The following RNLS variants were observed in gnomAD, a reference collection of about 807,000 sequenced individuals.
RNLS encodes the protein renalase, FAD dependent amine oxidase.
Under a neutral mutation model 39.8 loss-of-function variants are expected in RNLS, and 39 were observed. The observed-to-expected ratio is 0.98, with a 90% CI of 0.76 to 1.28. The LOEUF is 1.28. Among genes scored for constraint, RNLS ranks in the 50% most tolerant of loss-of-function variants. The pLI is 0.00. For missense variants in RNLS, 410 were observed against 413.3 expected (o/e 0.99, Z 0.07); for synonymous variants, 147 against 150.7 (o/e 0.98, Z 0.18).
At chr10:88,470,230 A>G (rs1843440346) in intron 4 of RNLS, among the ~76,000 whole-genome samples, 1 of 151,958 alleles carries the variant, frequency 6.6e-6, no homozygotes, top group South Asian at 2.1e-4. Context: ...AGAGGTAAAT[A>G]GTGTGTCAAG....
At chr10:88,393,597 C>T (rs1469018471) in intron 4 of RNLS, among the ~76,000 whole-genome samples, 5 of 152,134 alleles carry the variant, frequency 3.3e-5, no homozygotes, top group Admixed American at 1.3e-4. Context: ...GAATCAATAT[C>T]GTGAAAATGG....
intron 6 of RNLS, among the ~76,000 whole-genome samples, chr10:88,288,966 T>A (rs1009539847): frequency 6.6e-5 from 10 of 152,122 alleles, no homozygotes; most frequent in Non-Finnish European, 1.2e-4. Context: ...TCAGCCACAG[T>A]GAGGAACCAC....
At chr10:88,247,836 G>T in the RNLS span, among the ~76,000 whole-genome samples, 1 of 152,210 alleles carries the variant, frequency 6.6e-6, no homozygotes, top group Non-Finnish European at 1.5e-5. Context: ...GTCAGTTTCA[G>T]AGTGATGAGA....
intron 4 of RNLS, among the ~76,000 whole-genome samples, chr10:88,410,431 T>G (rs1853583498): frequency 6.6e-6 from 1 of 152,128 alleles, no homozygotes; most frequent in Non-Finnish European, 1.5e-5. Context: ...ATTTATAAAT[T>G]ATCAGTATAC....
intron 4 of RNLS, among the ~76,000 whole-genome samples, chr10:88,475,248 T>G (rs1209471270): frequency 6.6e-6 from 1 of 152,154 alleles, no homozygotes; most frequent in Non-Finnish European, 1.5e-5. Flanking sequence ...TATTAGTGCC[T>G]CACACTAAAA....
At chr10:88,308,855 A>G (rs899828402) in intron 6 of RNLS, among the ~76,000 whole-genome samples, 1 of 152,234 alleles carries the variant, frequency 6.6e-6, no homozygotes, top group Non-Finnish European at 1.5e-5. Flanking sequence ...AATAGCAAAT[A>G]CATAGAATGA....
At chr10:88,513,260 C>T (rs1478275513) in intron 4 of RNLS, among the ~76,000 whole-genome samples, 1 of 152,066 alleles carries the variant, frequency 6.6e-6, no homozygotes, top group Admixed American at 6.6e-5. Context: ...ATCTTGCAGA[C>T]CCTTCCCTAT....
the RNLS span, among the ~76,000 whole-genome samples, chr10:88,230,988 C>T: frequency 6.6e-6 from 1 of 152,216 alleles, no homozygotes; most frequent in East Asian, 1.9e-4. Context: ...ACATCTCCTT[C>T]CTGAATCCTT....
intron 4 of RNLS, among the ~76,000 whole-genome samples, chr10:88,374,086 CA>C (rs1195490744): frequency 2.0e-5 from 3 of 151,418 alleles, no homozygotes; most frequent in South Asian, 4.2e-4. Context: ...AAAATAGGGG[CA>C]AAAAATAATA....
At chr10:88,530,165 GAT>G (rs1461506399) in intron 4 of RNLS, among the ~76,000 whole-genome samples, 1 of 152,110 alleles carries the variant, frequency 6.6e-6, no homozygotes, top group Non-Finnish European at 1.5e-5. Flanking sequence ...TCTCCAAATT[GAT>G]ATCCTCATTT....
chr10:88,377,322 A>G (rs979268635), intron 4 of RNLS, among the ~76,000 whole-genome samples: 1 of 152,134 alleles, frequency 6.6e-6, no homozygotes, highest in African/African-American at 2.4e-5. Flanking sequence ...CTCCCAGTAG[A>G]AGACAACTGT....
chr10:88,434,485 G>A (rs747930839), intron 4 of RNLS, among the ~76,000 whole-genome samples: 34 of 152,076 alleles, frequency 2.2e-4, no homozygotes, highest in Non-Finnish European at 4.6e-4. Context: ...TTAATTATTT[G>A]ATGCATGTGT....
chr10:88,266,710 C>T, the RNLS span, among the ~76,000 whole-genome samples: 1 of 150,752 alleles, frequency 6.6e-6, no homozygotes, highest in Admixed American at 6.6e-5. Flanking sequence ...CACACACACA[C>T]ACACACACAC....
intron 4 of RNLS, among the ~76,000 whole-genome samples, chr10:88,377,338 A>C (rs1851095203): frequency 6.6e-6 from 1 of 152,172 alleles, no homozygotes; most frequent in South Asian, 2.1e-4. Flanking sequence ...ACTGTAAGCT[A>C]CAGGGAAAAA....
At chr10:88,207,582 A>T in the RNLS span, among the ~76,000 whole-genome samples, 13,684 of 152,242 alleles carry the variant, frequency 0.09, 642 homozygotes, top group African/African-American at 0.12. Context: ...GCTTTAAAAG[A>T]ATCTTTTAAA....
rs542433045 is a variant in RNLS at position 88,323,241 on chromosome 10, C to T, written c.701-8600G>A. ...ATCTACAGATTCAGTGAAGTTCCTA[C>T]CAAATTACCTACATCATTTTTCACA... On this transcript the variant is annotated intron_variant, in intron 5 of 6. Coordinates refer to ENST00000331772, the MANE Select transcript of RNLS (RefSeq NM_001031709.3). Among the ~76,000 whole-genome samples the T allele has an allele frequency of 7.9e-5, 12 of 152,014 alleles. No homozygotes were observed. The South Asian group carries it at 8.3e-4, about 10-fold the overall frequency.
At chr10:88,344,789 T>TG (rs1330178965) in intron 5 of RNLS, among the ~76,000 whole-genome samples, 1 of 152,118 alleles carries the variant, frequency 6.6e-6, no homozygotes, top group Non-Finnish European at 1.5e-5. Flanking sequence ...GGATGCTTCA[T>TG]TTTTTACAAA....
intron 4 of RNLS, among the ~76,000 whole-genome samples, chr10:88,362,988 A>ATTGCT (rs1395420097): frequency 6.6e-6 from 1 of 152,130 alleles, no homozygotes; most frequent in Non-Finnish European, 1.5e-5. Flanking sequence ...CTGGCTCCAA[A>ATTGCT]TTGCTTTTCT....
chr10:88,389,663 G>A (rs953862773), intron 4 of RNLS, among the ~76,000 whole-genome samples: 4 of 152,064 alleles, frequency 2.6e-5, no homozygotes, highest in African/African-American at 4.8e-5. Flanking sequence ...AATGAAATTC[G>A]CACAGTTTTT....
Sources: allele counts gnomAD v4.1 joint callset (sites outside exome capture counted in the v4.1 genomes callset), GRCh38; gene constraint gnomAD v4.1.1; transcripts MANE v1.5; gene names NCBI Gene and HGNC (gene_info 2026-07-23, HGNC 2026-07-21).